Variants in CELSR1 observed in about 807,000 individuals in gnomAD.
CELSR1 encodes adhesion G protein-coupled receptor C1.
Under a neutral mutation model 249.1 loss-of-function variants are expected in CELSR1, and 110 were observed. The ratio of observed to expected loss-of-function variants is 0.44; its 90% CI spans 0.38 to 0.52. The LOEUF is 0.52. Ranked by LOEUF, CELSR1 falls within the 20% of genes least tolerant of loss-of-function variation. The pLI is 0.00. For synonymous variants in CELSR1, 2,113 were observed against 1,900.0 expected, an observed-to-expected ratio of 1.11 and a Z score of -2.92; for missense variants, 4,109 against 4,296.4, an observed-to-expected ratio of 0.96 and a Z score of 1.22.
At chr22:46,469,809 C>T (rs1412800414) in intron 1 of CELSR1, among the ~76,000 whole-genome samples, 3 of 149,398 alleles carry the variant, frequency 2.0e-5, no homozygotes, top group African/African-American at 2.5e-5. Flanking sequence ...CCACCGCACC[C>T]GGCCTAGGGC....
At chr22:46,467,562 C>T (rs1239487563) in intron 1 of CELSR1, among the ~76,000 whole-genome samples, 1 of 151,978 alleles carries the variant, frequency 6.6e-6, no homozygotes, top group African/African-American at 2.4e-5. Flanking sequence ...GTGGCTCACT[C>T]CTGTAATCCC....
rs1487219430 is a variant in CELSR1, at chr22:46,407,789, A to G, written c.5226+1207T>C. Among the ~76,000 whole-genome samples the G allele has an allele frequency of 1.3e-5, 2 of 152,266 alleles. No homozygotes were observed. Among genetic ancestry groups the G allele is most frequent in the African/African-American group, 4.8e-5 (2 of 41,464 alleles). On this transcript the variant is annotated intron_variant, in intron 9 of 34. Coordinates refer to ENST00000674500, the MANE Select transcript of CELSR1 (RefSeq NM_001378328.1). The surrounding 1 kb of genome is among the most constrained non-coding windows in gnomAD (Gnocchi z 4.8). ...ATGAGAATTAGGCCTAAGGAGAGACATAAAGGGAGCTTTTTAGGAGGGAGA... is the reference window on the plus strand; with the variant it reads ...ATGAGAATTAGGCCTAAGGAGAGACGTAAAGGGAGCTTTTTAGGAGGGAGA...
intron 28 of CELSR1, 146 bp downstream of exon 28, chr22:46,367,583 C>T (rs1414884384): frequency 8.7e-7 from 1 of 1,148,036 alleles, no homozygotes; most frequent in Non-Finnish European, 1.2e-6. Flanking sequence ...GCACAAGGGA[C>T]TGAGTCCTCA....
At chr22:46,463,593 C>T in intron 2 of CELSR1, 114 bp downstream of exon 2, 3 of 1,190,904 alleles carry the variant, frequency 2.5e-6, no homozygotes, top group Non-Finnish European at 3.4e-6. Flanking sequence ...GGGCCCAGCG[C>T]CCATCCTCCA....
At chr22:46,378,268 C>G (rs1006584539) in intron 23 of CELSR1, among the ~76,000 whole-genome samples, 3 of 152,054 alleles carry the variant, frequency 2.0e-5, no homozygotes, top group Admixed American at 1.3e-4. Flanking sequence ...GGGCAGGTTC[C>G]GAGAGCTCCT....
In CELSR1 at chr22:46,395,144, TAG is replaced by T. The variant is rs1251900325; in HGVS notation, c.5844-884_5844-883del. 6.6e-6 allele frequency among the ~76,000 whole-genome samples: 1 copy of T among 152,144 alleles called. No individual in the cohort carries two copies. Among genetic ancestry groups the T allele is most frequent in the Non-Finnish European group, 1.5e-5 (1 of 68,028 alleles). ...GTCATAAAGACAACCAGGCCAGAGA[TAG>T]AGTCTGGCGTTTATGGATGTGTGTG... On this transcript the variant is annotated intron_variant, in intron 13 of 34. Transcript: ENST00000674500. This position sits in a 1 kb window ranked among gnomAD's most constrained non-coding sequence, Gnocchi z 5.5.
At chr22:46,482,161 C>A (rs1268630692) in intron 1 of CELSR1, among the ~76,000 whole-genome samples, 1 of 152,188 alleles carries the variant, frequency 6.6e-6, no homozygotes, top group African/African-American at 2.4e-5. Flanking sequence ...TGTCTCAATC[C>A]CCAGAAGCTG....
chr22:46,457,004 A>G (rs2079962696), intron 2 of CELSR1, among the ~76,000 whole-genome samples: 1 of 152,062 alleles, frequency 6.6e-6, no homozygotes, highest in Non-Finnish European at 1.5e-5. Context: ...CTACTCACCT[A>G]CTCGGTTCCT....
At chr22:46,504,915 C>A (rs1602221508) in intron 1 of CELSR1, among the ~76,000 whole-genome samples, 4 of 152,304 alleles carry the variant, frequency 2.6e-5, no homozygotes, top group African/African-American at 9.6e-5. Flanking sequence ...AAAAAGAGTG[C>A]TGGCTGAATA....
At chr22:46,384,075 C>A (rs979432189) in intron 20 of CELSR1, among the ~76,000 whole-genome samples, 2 of 152,052 alleles carry the variant, frequency 1.3e-5, no homozygotes, top group African/African-American at 2.4e-5. Flanking sequence ...GCTGGGATTA[C>A]AGGCGCCCGC....
chr22:46,467,096 T>C (rs1271554484), intron 1 of CELSR1, among the ~76,000 whole-genome samples: 1 of 152,256 alleles, frequency 6.6e-6, no homozygotes, highest in Non-Finnish European at 1.5e-5. Flanking sequence ...ATGGCAGCCC[T>C]AGCAGACTGA....
rs1051056769 is a variant in CELSR1 at position 46,412,037 on chromosome 22, C to T, written c.4612-278G>A. Among the ~76,000 whole-genome samples the T allele has an allele frequency of 1.3e-5, 2 of 152,160 alleles. No individual in the cohort carries two copies. Among genetic ancestry groups the T allele is most frequent in the African/African-American group, 4.8e-5 (2 of 41,454 alleles). ...TAAGATGCGGACGTCCTGGAGTAGG[C>T]GGGCCCTGATCCAAGATGACTGGTG... On this transcript the variant is annotated intron_variant, in intron 5 of 34. Coordinates refer to ENST00000674500, the MANE Select transcript of CELSR1 (RefSeq NM_001378328.1). This position sits in a 1 kb window ranked among gnomAD's most constrained non-coding sequence, Gnocchi z 4.5.
intron 1 of CELSR1, among the ~76,000 whole-genome samples, chr22:46,482,730 T>C (rs9626878): frequency 0.014 from 2,088 of 152,104 alleles, 47 homozygotes; most frequent in African/African-American, 0.048. Flanking sequence ...AAAAGAAAAT[T>C]ATCTACAGGG....
chr22:46,497,976 C>T (rs946074088), intron 1 of CELSR1, among the ~76,000 whole-genome samples: 8 of 148,844 alleles, frequency 5.4e-5, no homozygotes, highest in African/African-American at 2.0e-4. Flanking sequence ...GGGCCAGGCA[C>T]GGTGGCTCAC....
chr22:46,507,332 C>CGG (rs142015376), intron 1 of CELSR1, among the ~76,000 whole-genome samples: 1 of 152,034 alleles, frequency 6.6e-6, no homozygotes, highest in South Asian at 2.1e-4. Context: ...CTGCTGAAGT[C>CGG]GGGGGGGTAG....
chr22:46,426,157 G>GCCGGGGAGGGGGCAGCCGGGGAGGGCGC (rs1569154727), intron 5 of CELSR1, among the ~76,000 whole-genome samples: 6 of 151,868 alleles, frequency 4.0e-5, no homozygotes, highest in African/African-American at 1.5e-4. Flanking sequence ...GGAGGGGGCT[G>GCCGGGGAGGGGGCAGCCGGGGAGGGCGC]AGTGAAGCTG....
rs1486963324 is a variant in CELSR1 at position 46,378,681 on chromosome 22, G to A, written c.7293C>T (p.Cys2431=). 31 of 1,612,018 alleles carry A rather than the reference G, an allele frequency of 1.9e-5. No homozygotes were observed. Among genetic ancestry groups the A allele is most frequent in the East Asian group, 4.5e-5 (2 of 44,850 alleles). ...GTGTCCGGTTCCTGGACAGGAGCTC[G>A]CAGCCCCGGGCAGACCACCCTCCCG... The part of the protein sequence containing the change: ...GGTGGWSARG[C]ELLSRNRTHV... Residue 2431 remains cysteine, a synonymous_variant, in exon 23 of 35, where the codon TGC becomes TGT. Transcript: ENST00000674500.
rs1007135283 is a variant in CELSR1 at position 46,437,193 on chromosome 22, C to T, written c.4407-904G>A. ...CTCGGGCAGGAGATCATCAAATTCT[C>T]AGAAATCCTTCTCCCACCCAGGGGC... On this transcript the variant is annotated intron_variant, in intron 3 of 34. Transcript: ENST00000674500. This position sits in a 1 kb window ranked among gnomAD's most constrained non-coding sequence, Gnocchi z 4.9. Among the ~76,000 whole-genome samples, 3 of 152,210 alleles carry T rather than the reference C, an allele frequency of 2.0e-5. No homozygotes were observed. Among genetic ancestry groups the T allele is most frequent in the South Asian group, 2.1e-4 (1 of 4,832 alleles).
chr22:46,521,504 C>CA (rs550935833), intron 1 of CELSR1, among the ~76,000 whole-genome samples: 3,609 of 136,988 alleles, frequency 0.026, 113 homozygotes, highest in African/African-American at 0.069. Flanking sequence ...GACTCCATCT[C>CA]AAAAAAAAAA....
Sources: allele counts gnomAD v4.1 joint callset (sites outside exome capture counted in the v4.1 genomes callset), GRCh38; gene constraint gnomAD v4.1.1; non-coding constraint Gnocchi (gnomAD v3.1); transcripts MANE v1.5; gene names NCBI Gene and HGNC (gene_info 2026-07-23, HGNC 2026-07-21).